Variants in ARB2A observed in about 807,000 individuals in gnomAD.
The protein encoded by ARB2A is cotranscriptional regulator ARB2A.
At chr5:93,741,186 C>T in the ARB2A span, 1 of 1,613,916 alleles carries the variant, frequency 6.2e-7, no homozygotes, top group Non-Finnish European at 8.5e-7. Context: ...CCAATTGCTG[C>T]AACTCTTTCA....
chr5:93,672,199 G>A, the ARB2A span, among the ~76,000 whole-genome samples: 1 of 152,060 alleles, frequency 6.6e-6, no homozygotes, highest in Non-Finnish European at 1.5e-5. Flanking sequence ...GCATGACAAT[G>A]TTCAATACTT....
the ARB2A span, among the ~76,000 whole-genome samples, chr5:93,756,186 A>T: frequency 6.6e-6 from 1 of 152,122 alleles, no homozygotes. Context: ...TGACCTGGAA[A>T]TCTCACTCCC....
At chr5:93,979,440 A>T in the ARB2A span, among the ~76,000 whole-genome samples, 4 of 152,164 alleles carry the variant, frequency 2.6e-5, no homozygotes, top group Admixed American at 1.3e-4. Flanking sequence ...ATTGAATTTA[A>T]TATTACAGAT....
the ARB2A span, among the ~76,000 whole-genome samples, chr5:93,786,946 C>A: frequency 6.6e-6 from 1 of 152,218 alleles, no homozygotes; most frequent in South Asian, 2.1e-4. Context: ...TGGTCTATAA[C>A]AGAAGACCAT....
At chr5:93,781,880 C>T in the ARB2A span, 5 of 985,328 alleles carry the variant, frequency 5.1e-6, no homozygotes, top group Non-Finnish European at 4.8e-6. Flanking sequence ...TTCCAACACC[C>T]ATGCTTAAGA....
the ARB2A span, among the ~76,000 whole-genome samples, chr5:94,111,138 GT>G: frequency 5.9e-5 from 9 of 152,112 alleles, no homozygotes; most frequent in Non-Finnish European, 8.8e-5. Flanking sequence ...AGCGCTGGCA[GT>G]TAATAATACT....
the ARB2A span, among the ~76,000 whole-genome samples, chr5:93,968,498 T>C: frequency 6.6e-6 from 1 of 151,954 alleles, no homozygotes; most frequent in African/African-American, 2.4e-5. Context: ...GATAAGTTAA[T>C]GGAAATGCTC....
At chr5:93,996,519 C>G in the ARB2A span, among the ~76,000 whole-genome samples, 1 of 152,000 alleles carries the variant, frequency 6.6e-6, no homozygotes, top group Non-Finnish European at 1.5e-5. Context: ...ATTATTGGTT[C>G]ACAAATCCAA....
At chr5:93,865,960 G>A in the ARB2A span, 1 of 985,288 alleles carries the variant, frequency 1.0e-6, no homozygotes, top group African/African-American at 1.7e-5. Flanking sequence ...ACAACTCCAG[G>A]GGTTGCTAGT....
At chr5:93,719,192 T>C in the ARB2A span, among the ~76,000 whole-genome samples, 1 of 152,228 alleles carries the variant, frequency 6.6e-6, no homozygotes, top group Non-Finnish European at 1.5e-5. Flanking sequence ...AAAATTATCC[T>C]GAGTTTTCTA....
the ARB2A span, among the ~76,000 whole-genome samples, chr5:93,698,785 G>C: frequency 6.6e-6 from 1 of 152,106 alleles, no homozygotes; most frequent in Admixed American, 6.5e-5. Flanking sequence ...AGGCATTGAA[G>C]CAATAATGAT....
the ARB2A span, among the ~76,000 whole-genome samples, chr5:93,882,499 G>A: frequency 1.4e-5 from 2 of 146,244 alleles, no homozygotes; most frequent in Non-Finnish European, 3.0e-5. Flanking sequence ...TTTTAAATTT[G>A]TAAAACATGT....
the ARB2A span, among the ~76,000 whole-genome samples, chr5:93,704,395 C>G: frequency 6.6e-6 from 1 of 152,104 alleles, no homozygotes; most frequent in African/African-American, 2.4e-5. Flanking sequence ...CTCTACAAAA[C>G]AAAACAAAAA....
chr5:93,681,708 C>T, the ARB2A span, among the ~76,000 whole-genome samples: 8 of 151,946 alleles, frequency 5.3e-5, no homozygotes, highest in South Asian at 2.1e-4. Flanking sequence ...ATAAGTTCAC[C>T]GAGGCCAGGC....
the ARB2A span, among the ~76,000 whole-genome samples, chr5:93,650,367 A>C: frequency 6.6e-6 from 1 of 152,172 alleles, no homozygotes; most frequent in African/African-American, 2.4e-5. Flanking sequence ...TTGATATTTG[A>C]AAGAAAAATT....
chr5:94,107,028 G>A, the ARB2A span, among the ~76,000 whole-genome samples: 20 of 151,908 alleles, frequency 1.3e-4, no homozygotes, highest in South Asian at 2.9e-3. Flanking sequence ...ACTACCTATC[G>A]GGTCACTGCA....
chr5:93,699,969 G>C, the ARB2A span, among the ~76,000 whole-genome samples: 1 of 152,002 alleles, frequency 6.6e-6, no homozygotes, highest in African/African-American at 2.4e-5. Flanking sequence ...TTCTAACTGG[G>C]ATTGCACAAA....
chr5:93,994,690 TA>T, the ARB2A span, among the ~76,000 whole-genome samples: 25 of 150,516 alleles, frequency 1.7e-4, no homozygotes, highest in East Asian at 4.3e-3. Flanking sequence ...CTAAGACATA[TA>T]AAAAAAAATT....
At chr5:93,871,185 A>C in the ARB2A span, among the ~76,000 whole-genome samples, 1 of 152,330 alleles carries the variant, frequency 6.6e-6, no homozygotes, top group South Asian at 2.1e-4. Context: ...AGAGTTTTTT[A>C]ATTCTTAAAG....
Sources: allele counts gnomAD v4.1 joint callset (sites outside exome capture counted in the v4.1 genomes callset), GRCh38; gene constraint gnomAD v4.1.1; transcripts MANE v1.5; gene names NCBI Gene and HGNC (gene_info 2026-07-23, HGNC 2026-07-21).